The following CFHR2 variants were observed in gnomAD, a reference collection of about 807,000 sequenced individuals.
CFHR2 encodes complement factor H related 2, also known as complement factor H-related protein 2.
In CFHR2, 22 loss-of-function variants were observed where a neutral mutation model predicts 21.7. The observed-to-expected ratio is 1.01, with a 90% CI of 0.72 to 1.45. The LOEUF is 1.45. Ranked by LOEUF, CFHR2 falls within the 40% of genes most tolerant of loss-of-function variation. The probability of loss-of-function intolerance (pLI) is 0.00; values close to 1 mark genes in which losing one functional copy is unlikely to be tolerated. For missense variants in CFHR2, 294 were observed against 293.3 expected, an observed-to-expected ratio of 1.00 and a Z score of -0.02; for synonymous variants, 98 against 97.4, an observed-to-expected ratio of 1.01 and a Z score of -0.04.
intron 2 of CFHR2, 32 bp from the exon 3 acceptor site, chr1:196,950,820 A>C (rs373020357): frequency 6.2e-7 from 1 of 1,610,176 alleles, no homozygotes; most frequent in Admixed American, 1.7e-5. Context: ...TGCTACTTCC[A>C]TCTTGTCTAT....
At chr1:196,957,783 A>C in intron 3 of CFHR2, 108 bp from the exon 4 acceptor site, 2 of 961,450 alleles carry the variant, frequency 2.1e-6, no homozygotes, top group Non-Finnish European at 3.1e-6. Context: ...TTCATTCAGC[A>C]CAAATCACAA....
At chr1:196,953,179 G>A (rs183751505) in intron 3 of CFHR2, among the ~76,000 whole-genome samples, 39 of 152,286 alleles carry the variant, frequency 2.6e-4, no homozygotes, top group Admixed American at 1.1e-3. Flanking sequence ...CTGTTATTCC[G>A]TTTACAACAC....
Position 196,957,968 on chromosome 1 carries a change from C to T in CFHR2, c.508C>T (p.Pro170Ser), listed in dbSNP as rs1652960052. Residue 170 changes from proline (P) to serine (S), a missense_variant, in exon 4 of 5, where the codon CCA (proline) becomes TCA (serine). By Grantham distance (74) the Pro-to-Ser change is moderately conservative. Coordinates refer to ENST00000367415, the MANE Select transcript of CFHR2 (RefSeq NM_005666.4). The part of the protein sequence containing the change: ...ITSFLLSVYA[P>S]GSSVEYQCQN... ...TTCATTCCTGTTGTCAGTATATGCT[C>T]CAGGTTCATCAGTTGAGTACCAGTG... 6.2e-7 allele frequency: 1 copy of T among 1,613,506 alleles called. No individual in the cohort carries two copies. Among genetic ancestry groups the T allele is most frequent in the East Asian group, 2.2e-5 (1 of 44,856 alleles).
Position 196,950,955 on chromosome 1 carries a change from A to T in CFHR2, c.357A>T (p.Arg119Ser). The change falls in exon 3 of 5, where the codon AGA becomes AGT. Residue 119 changes from arginine (R) to serine (S), a missense_variant. By Grantham distance (110) the Arg-to-Ser change is moderately radical. Coordinates refer to ENST00000367415, the MANE Select transcript of CFHR2 (RefSeq NM_005666.4). ...TVQIICNTGY[R>S]LQNNENNISC... ...AAATTATTTGCAACACAGGATACAG[A>T]CTTCAAAACAATGAGAACAACATTT... 6.2e-7 allele frequency: 1 copy of T among 1,614,128 alleles called. No homozygotes were observed. Among genetic ancestry groups the T allele is most frequent in the Non-Finnish European group, 8.5e-7 (1 of 1,180,008 alleles).
At chr1:196,951,880 G>T (rs1360210341) in intron 3 of CFHR2, among the ~76,000 whole-genome samples, 1 of 152,080 alleles carries the variant, frequency 6.6e-6, no homozygotes, top group Non-Finnish European at 1.5e-5. Flanking sequence ...AACAGATGGG[G>T]CTGTGTGCTG....
chr1:196,953,361 C>A (rs1652726788), intron 3 of CFHR2, among the ~76,000 whole-genome samples: 1 of 152,074 alleles, frequency 6.6e-6, no homozygotes, highest in Non-Finnish European at 1.5e-5. Flanking sequence ...TGGCTCCCTG[C>A]AAATTCTACC....
chr1:196,951,088 C>T, intron 3 of CFHR2, 60 bp downstream of exon 3: 1 of 1,572,198 alleles, frequency 6.4e-7, no homozygotes, highest in Non-Finnish European at 8.7e-7. Flanking sequence ...AGAAATAAAT[C>T]TTTTTTTACA....
Position 196,959,562 on chromosome 1 carries a change from G to A in CFHR2, c.*482G>A, listed in dbSNP as rs186736981. Among the ~76,000 whole-genome samples, 10 of 152,078 alleles carry A rather than the reference G, an allele frequency of 6.6e-5. No homozygotes were observed. The highest frequency in any genetic ancestry group is 1.9e-4 in the African/African-American group (8 of 41,520). ...TCAATTCCTAACAGTCACAGCCTGG[G>A]AGCTCATGTTTGCCTTCTTTCAGAG... On this transcript the variant is annotated 3_prime_UTR_variant, in exon 5 of 5. Transcript: ENST00000367415.
intron 1 of CFHR2, among the ~76,000 whole-genome samples, chr1:196,946,593 C>T (rs1659498907): frequency 6.6e-6 from 1 of 152,094 alleles, no homozygotes; most frequent in Non-Finnish European, 1.5e-5. Context: ...GACACAAACA[C>T]ACATATTAAC....
intron 3 of CFHR2, 21 bp from the exon 4 acceptor site, chr1:196,957,870 A>T (rs1391076277): frequency 6.2e-7 from 1 of 1,605,332 alleles, no homozygotes; most frequent in Non-Finnish European, 8.5e-7. Context: ...TCTCCCAGTA[A>T]ATCAAATGAT....
At chr1:196,953,858 T>A (rs1008996763) in intron 3 of CFHR2, among the ~76,000 whole-genome samples, 21 of 152,326 alleles carry the variant, frequency 1.4e-4, no homozygotes, top group African/African-American at 5.1e-4. Flanking sequence ...CTTGATTTAT[T>A]TGGATTATTT....
At chr1:196,951,454 A>C (rs1379110828) in intron 3 of CFHR2, among the ~76,000 whole-genome samples, 2 of 152,166 alleles carry the variant, frequency 1.3e-5, no homozygotes, top group Admixed American at 6.5e-5. Flanking sequence ...ATAAATCATC[A>C]ATTCTTAAGT....
Position 196,950,387 on chromosome 1 carries a change from G to C in CFHR2, c.254-465G>C, listed in dbSNP as rs148028127. ...AATATATTTCATCATATATATAGTAGCAAGACTTAACTTCTTTTGAAAATG... is the reference window on the plus strand; with the variant it reads ...AATATATTTCATCATATATATAGTACCAAGACTTAACTTCTTTTGAAAATG... On this transcript the variant is annotated intron_variant, in intron 2 of 4. Coordinates refer to ENST00000367415, the MANE Select transcript of CFHR2 (RefSeq NM_005666.4). Among the ~76,000 whole-genome samples, 308 of 152,214 alleles carry C rather than the reference G, an allele frequency of 2.0e-3. 1 individual carries two copies. The highest frequency in any genetic ancestry group is 7.1e-3 in the African/African-American group (294 of 41,544).
chr1:196,950,795 G>A (rs1659696015), intron 2 of CFHR2, 57 bp from the exon 3 acceptor site: 2 of 1,581,746 alleles, frequency 1.3e-6, no homozygotes, highest in African/African-American at 2.7e-5. Context: ...TTAAAATGCA[G>A]TTGTACTTTT....
intron 1 of CFHR2, among the ~76,000 whole-genome samples, chr1:196,946,632 G>A (rs1326294848): frequency 6.6e-6 from 1 of 152,148 alleles, no homozygotes; most frequent in Non-Finnish European, 1.5e-5. Flanking sequence ...AGGATCATCA[G>A]TATCACTGTC....
intron 1 of CFHR2, among the ~76,000 whole-genome samples, chr1:196,948,422 T>C (rs10922150): frequency 0.37 from 56,146 of 151,676 alleles, 12,018 homozygotes; most frequent in African/African-American, 0.59. Flanking sequence ...ATTACAGGTG[T>C]GCACCACCAC....
intron 3 of CFHR2, among the ~76,000 whole-genome samples, chr1:196,956,063 G>C (rs573867879): frequency 6.6e-6 from 1 of 152,174 alleles, no homozygotes; most frequent in Non-Finnish European, 1.5e-5. Flanking sequence ...AGAACAGCAT[G>C]GGGGAAGCCA....
intron 3 of CFHR2, 130 bp downstream of exon 3, chr1:196,951,158 C>T (rs1659713542): frequency 8.7e-7 from 1 of 1,153,518 alleles, no homozygotes; most frequent in Non-Finnish European, 1.2e-6. Flanking sequence ...TCATTTGATT[C>T]TCAGTTCCAA....
chr1:196,947,673 C>T (rs1254770288), intron 1 of CFHR2, among the ~76,000 whole-genome samples: 2 of 152,024 alleles, frequency 1.3e-5, no homozygotes, highest in African/African-American at 4.8e-5. Context: ...ACACATCTTC[C>T]AAATAAGGTG....
Sources: allele counts gnomAD v4.1 joint callset (sites outside exome capture counted in the v4.1 genomes callset), GRCh38; gene constraint gnomAD v4.1.1; transcripts MANE v1.5; gene names NCBI Gene and HGNC (gene_info 2026-07-23, HGNC 2026-07-21).